Variants in FOXL1 observed in about 807,000 individuals in gnomAD.
FOXL1 encodes the protein forkhead box protein L1.
A neutral mutation model predicts 1.7 loss-of-function variants in FOXL1; 2 were observed. That is an observed-to-expected ratio of 1.21 (90% CI 0.49 to 3.80). The LOEUF (loss-of-function observed/expected upper bound fraction) is 3.80. Among genes scored for constraint, FOXL1 ranks in the 30% most tolerant of loss-of-function variants. FOXL1 has a pLI of 0.07. For synonymous variants in FOXL1, 280 were observed against 229.3 expected (o/e 1.22, Z -2.00); for missense variants, 565 against 495.8 (o/e 1.14, Z -1.32).
rs1163109608 is a variant in FOXL1, at chr16:86,580,385, A to G, written c.*624A>G. ...GACCAATGTTCAGCTATAGAAGCTG[A>G]TAACCACCCAGAGCAATAACACTTT... On this transcript the variant is annotated 3_prime_UTR_variant, in exon 1 of 1. Coordinates refer to ENST00000320241, the MANE Select transcript of FOXL1 (RefSeq NM_005250.3). 6.0e-6 allele frequency: 1 copy of G among 167,182 alleles called. No individual in the cohort carries two copies. The highest frequency in any genetic ancestry group is 1.5e-5 in the Non-Finnish European group (1 of 68,168). The allele number at this position is 167,182 out of a possible 1,614,324, so 10.4% of individuals were successfully genotyped here. A position where few individuals can be genotyped will look rare whatever the true frequency, so the allele number is the denominator to read the frequency against.
rs2144037731 is a variant in FOXL1, at chr16:86,582,874, G to A, written c.*3113G>A. Among the ~76,000 whole-genome samples, 1 of 151,942 alleles carries A rather than the reference G, an allele frequency of 6.6e-6. No individual in the cohort carries two copies. The highest frequency in any genetic ancestry group is 6.6e-5 in the Admixed American group (1 of 15,256). ...TTGTTTCTCTATGTAGTATGAACCA[G>A]GGATAACTTTATTGTTCTGTGTTAG... On this transcript the variant is annotated 3_prime_UTR_variant, in exon 1 of 1. Transcript: ENST00000320241.
chr16:86,579,332 G>T lies in FOXL1; in HGVS notation c.609G>T (p.Pro203=). Residue 203 remains proline, a synonymous_variant, in exon 1 of 1, where the codon CCG becomes CCT. Coordinates refer to ENST00000320241, the MANE Select transcript of FOXL1 (RefSeq NM_005250.3). ...CCCTCCTGGACGGCCCCTCTCCGCCGGCGCCCCTCCACTGGCCGGGGACCG... is the reference window on the plus strand; with the variant it reads ...CCCTCCTGGACGGCCCCTCTCCGCCTGCGCCCCTCCACTGGCCGGGGACCG... The part of the protein sequence containing the change: ...PSPLLDGPSP[P]APLHWPGTAS... The T allele has an allele frequency of 7.5e-7, 1 of 1,326,030 alleles. No individual in the cohort carries two copies. 82.1% of individuals were successfully genotyped at this position (1,326,030 alleles called of 1,614,324 possible).
chr16:86,579,068 G>A lies in FOXL1; in HGVS notation c.345G>A (p.Gly115=). 6.2e-7 allele frequency: 1 copy of A among 1,614,106 alleles called. No homozygotes were observed. Among genetic ancestry groups the A allele is most frequent in the South Asian group, 1.1e-5 (1 of 91,088 alleles). Residue 115 remains glycine (G), a synonymous_variant, in exon 1 of 1, where the codon GGG becomes GGA. Transcript: ENST00000320241. The part of the protein sequence containing the change: ...DCFVKVPREK[G]RPGKGSYWTL... ...TCGTCAAGGTGCCCCGCGAGAAAGG[G>A]CGGCCGGGCAAGGGCAGCTACTGGA...
Position 86,583,293 on chromosome 16 carries a change from T to G in FOXL1, c.*3532T>G, listed in dbSNP as rs1325096029. The stretch of plus-strand genomic sequence containing the variant: ...TAACATCACAAAGGTAGGTGACGTT[T>G]CCAGTAACCAGCTGCACCCAGGAGT... On this transcript the variant is annotated 3_prime_UTR_variant, in exon 1 of 1. Transcript: ENST00000320241. Among the ~76,000 whole-genome samples the G allele has an allele frequency of 1.3e-5, 2 of 151,960 alleles. No homozygotes were observed. The highest frequency in any genetic ancestry group is 2.9e-5 in the Non-Finnish European group (2 of 67,994).
In FOXL1 at chr16:86,582,799, CTA is replaced by C. The variant is rs954365146; in HGVS notation, c.*3043_*3044del. Among the ~76,000 whole-genome samples, 1 of 151,802 alleles carries C rather than the reference CTA, an allele frequency of 6.6e-6. No individual in the cohort carries two copies. Among genetic ancestry groups the C allele is most frequent in the Non-Finnish European group, 1.5e-5 (1 of 67,964 alleles). On this transcript the variant is annotated 3_prime_UTR_variant, in exon 1 of 1. Transcript: ENST00000320241. ...ATACTATTTGAAAGATTTTGTTTTTCTATATAGTTTTTAAAAATAGATAATAA... is the reference window on the plus strand; with the variant it reads ...ATACTATTTGAAAGATTTTGTTTTTCTATAGTTTTTAAAAATAGATAATAA...
chr16:86,579,155 G>A lies in FOXL1; in HGVS notation c.432G>A (p.Lys144=). The change falls in exon 1 of 1, where the codon AAG becomes AAA. Residue 144 remains lysine, a synonymous_variant. Coordinates refer to ENST00000320241, the MANE Select transcript of FOXL1 (RefSeq NM_005250.3). ...GCAACTACCGGCGCCGGAAGAGGAA[G>A]CCCAAGCCGGGCCCCGGGGCCCCGG... The part of the protein sequence containing the change: ...ENGNYRRRKR[K]PKPGPGAPEA... The A allele has an allele frequency of 1.2e-6, 2 of 1,611,612 alleles. No individual in the cohort carries two copies. The highest frequency in any genetic ancestry group is 2.2e-5 in the South Asian group (2 of 91,042).
Position 86,580,259 on chromosome 16 carries a change from G to C in FOXL1, c.*498G>C, listed in dbSNP as rs544568935. On this transcript the variant is annotated 3_prime_UTR_variant, in exon 1 of 1. Transcript: ENST00000320241. ...TTTGAGCCCATCTGGGTGGTGGGTG[G>C]TCACAGCTGGGTTTGTTCCTGACTT... 192 of 169,630 alleles carry C rather than the reference G, an allele frequency of 1.1e-3. No individual in the cohort carries two copies. The highest frequency in any genetic ancestry group is 4.3e-3 in the African/African-American group (180 of 41,650). 10.5% of individuals were successfully genotyped at this position (169,630 alleles called of 1,614,324 possible).
At position 86,583,009 on chromosome 16, in the gene FOXL1, C is replaced by G. The variant is rs12921243; in HGVS notation, c.*3248C>G. Among the ~76,000 whole-genome samples, 2 of 148,970 alleles carry G rather than the reference C, an allele frequency of 1.3e-5. No individual in the cohort carries two copies. Among genetic ancestry groups the G allele is most frequent in the East Asian group, 3.9e-4 (2 of 5,140 alleles). ...ACTTTACAAAGGACTCTTGCTCTGCCTGGCCTCATCTAGTTGCTGGCTTTT... is the reference window on the plus strand; with the variant it reads ...ACTTTACAAAGGACTCTTGCTCTGCGTGGCCTCATCTAGTTGCTGGCTTTT... On this transcript the variant is annotated 3_prime_UTR_variant, in exon 1 of 1. Transcript: ENST00000320241.
In FOXL1 at chr16:86,579,683, C is replaced by A; in HGVS notation, c.960C>A (p.Gly320=). 6.2e-7 allele frequency: 1 copy of A among 1,613,928 alleles called. No homozygotes were observed. Among genetic ancestry groups the A allele is most frequent in the South Asian group, 1.1e-5 (1 of 91,084 alleles). The part of the protein sequence containing the change: ...ASLMLDPHVQ[G]GFYQLGIPFL... ...TGATGCTCGACCCGCATGTCCAGGG[C>A]GGCTTTTACCAGCTCGGGATCCCCT... The change falls in exon 1 of 1, where the codon GGC becomes GGA. Residue 320 remains glycine (G), a synonymous_variant. Transcript: ENST00000320241.
In FOXL1 at chr16:86,579,585, G is replaced by A; in HGVS notation, c.862G>A (p.Gly288Arg). Reference sequence around the variant, plus strand: ...CGAACTCCTAGGGGGTGCCAAGCCTGGGCCCGGCGGCCGTCTGGGTGCCTC... The same window carrying A: ...CGAACTCCTAGGGGGTGCCAAGCCTAGGCCCGGCGGCCGTCTGGGTGCCTC... ...GDELLGGAKP[G>R]PGGRLGASLL... is the part of the protein sequence containing the mutation. The change falls in exon 1 of 1, where the codon GGG becomes AGG. Residue 288 changes from glycine to arginine, a missense_variant. Gly to Arg is a moderately radical substitution (Grantham distance 125). Coordinates refer to ENST00000320241, the MANE Select transcript of FOXL1 (RefSeq NM_005250.3). 1 of 1,613,146 alleles carries A rather than the reference G, an allele frequency of 6.2e-7. No homozygotes were observed. The highest frequency in any genetic ancestry group is 8.5e-7 in the Non-Finnish European group (1 of 1,179,864).
Position 86,579,715 on chromosome 16 carries a change from C to T in FOXL1, c.992C>T (p.Ser331Phe). The change falls in exon 1 of 1, where the codon TCT becomes TTT. Residue 331 changes from serine to phenylalanine, a missense_variant. Coordinates refer to ENST00000320241, the MANE Select transcript of FOXL1 (RefSeq NM_005250.3). ...GFYQLGIPFLSYFPLQVPDTV... is the reference protein window; with the variant it reads ...GFYQLGIPFLFYFPLQVPDTV... The stretch of plus-strand genomic sequence containing the variant: ...TACCAGCTCGGGATCCCCTTCCTCT[C>T]TTATTTCCCCCTGCAGGTTCCCGAC... 6.2e-7 allele frequency: 1 copy of T among 1,613,828 alleles called. No individual in the cohort carries two copies. Among genetic ancestry groups the T allele is most frequent in the African/African-American group, 1.3e-5 (1 of 75,072 alleles).
In FOXL1 at chr16:86,579,524, G is replaced by T; in HGVS notation, c.801G>T (p.Leu267=). The change falls in exon 1 of 1, where the codon CTG becomes CTT. Residue 267 remains leucine, a synonymous_variant. Transcript: ENST00000320241. The part of the protein sequence containing the change: ...KSKSFSIDSI[L]AGKQGQKPPS... ...AGAGCTTCAGCATAGACAGCATCCTGGCGGGAAAGCAGGGCCAGAAGCCGC... is the reference window on the plus strand; with the variant it reads ...AGAGCTTCAGCATAGACAGCATCCTTGCGGGAAAGCAGGGCCAGAAGCCGC... The T allele has an allele frequency of 6.2e-7, 1 of 1,605,846 alleles. No individual in the cohort carries two copies. The highest frequency in any genetic ancestry group is 1.1e-5 in the South Asian group (1 of 89,988).
rs1188755097 is a variant in FOXL1 at position 86,578,712 on chromosome 16, C to G, written c.-12C>G. On this transcript the variant is annotated 5_prime_UTR_variant, in exon 1 of 1. Transcript: ENST00000320241. ...TGCGTTGCGGGGAGCGCAGCGCAGG[C>G]TCTCGCTTGCCATGAGTCACCTCTT... 6.3e-7 allele frequency: 1 copy of G among 1,589,746 alleles called. No homozygotes were observed. The highest frequency in any genetic ancestry group is 1.3e-5 in the African/African-American group (1 of 74,438).
rs1211697713 is a variant in FOXL1, at chr16:86,578,927, G to T, written c.204G>T (p.Gln68His). Residue 68 changes from glutamine to histidine, a missense_variant, in exon 1 of 1, where the codon CAG becomes CAT. Gln to His is a conservative substitution (Grantham distance 24). Coordinates refer to ENST00000320241, the MANE Select transcript of FOXL1 (RefSeq NM_005250.3). The part of the protein sequence containing the change: ...IAMAIQDAPE[Q>H]RVTLNGIYQF... Reference sequence around the variant, plus strand: ...TGGCGATCCAGGACGCGCCCGAGCAGAGGGTCACGCTCAACGGCATCTACC... The same window carrying T: ...TGGCGATCCAGGACGCGCCCGAGCATAGGGTCACGCTCAACGGCATCTACC... 1.2e-6 allele frequency: 2 copies of T among 1,614,210 alleles called. No homozygotes were observed. The highest frequency in any genetic ancestry group is 1.7e-6 in the Non-Finnish European group (2 of 1,180,016).
chr16:86,581,765 A>G lies in FOXL1; in HGVS notation c.*2004A>G, dbSNP rs1186567104. 6.0e-6 allele frequency: 1 copy of G among 166,724 alleles called. No individual in the cohort carries two copies. The highest frequency in any genetic ancestry group is 2.4e-5 in the African/African-American group (1 of 41,454). The allele number at this position is 166,724 out of a possible 1,614,324, so 10.3% of individuals were successfully genotyped here. On this transcript the variant is annotated 3_prime_UTR_variant, in exon 1 of 1. Transcript: ENST00000320241. ...GTGTAATAAGAAAGAGGAGACTGGG[A>G]TTATATCTGGGAGTCGTGTTAGCAT...
Position 86,578,888 on chromosome 16 carries a change from C to T in FOXL1, c.165C>T (p.Ile55=), listed in dbSNP as rs1974373414. The change falls in exon 1 of 1, where the codon ATC becomes ATT. Residue 55 remains isoleucine, a synonymous_variant. Transcript: ENST00000320241. ...CGCAGAAGCCTCCCTACAGCTACAT[C>T]GCGCTCATCGCCATGGCGATCCAGG... ...ETPQKPPYSY[I]ALIAMAIQDA... The T allele has an allele frequency of 2.5e-6, 4 of 1,614,162 alleles. No individual in the cohort carries two copies. The highest frequency in any genetic ancestry group is 3.4e-6 in the Non-Finnish European group (4 of 1,180,010).
At position 86,579,059 on chromosome 16, in the gene FOXL1, C is replaced by T. The variant is rs1368465116; in HGVS notation, c.336C>T (p.Arg112=). The T allele has an allele frequency of 6.2e-7, 1 of 1,613,968 alleles. No homozygotes were observed. Among genetic ancestry groups the T allele is most frequent in the South Asian group, 1.1e-5 (1 of 91,086 alleles). The change falls in exon 1 of 1, where the codon CGC becomes CGT. Residue 112 remains arginine, a synonymous_variant. Coordinates refer to ENST00000320241, the MANE Select transcript of FOXL1 (RefSeq NM_005250.3). ...SLNDCFVKVP[R]EKGRPGKGSY... ...ACGACTGCTTCGTCAAGGTGCCCCG[C>T]GAGAAAGGGCGGCCGGGCAAGGGCA...
In FOXL1 at chr16:86,581,841, A is replaced by G. The variant is rs193125316; in HGVS notation, c.*2080A>G. 5.6e-3 allele frequency: 901 copies of G among 162,088 alleles called. 7 individuals carry two copies. The highest frequency in any genetic ancestry group is 9.5e-3 in the Non-Finnish European group (646 of 68,060). 10.0% of individuals were successfully genotyped at this position (162,088 alleles called of 1,614,324 possible). On this transcript the variant is annotated 3_prime_UTR_variant, in exon 1 of 1. Coordinates refer to ENST00000320241, the MANE Select transcript of FOXL1 (RefSeq NM_005250.3). ...GTAAACACACAGATGGAGGGGAAGG[A>G]GTGGAGAGGATGCCGGGCCCAGGAA...
In FOXL1 at chr16:86,579,517, G is replaced by C. The variant is rs1228348049; in HGVS notation, c.794G>C (p.Ser265Thr). 6.2e-7 allele frequency: 1 copy of C among 1,601,676 alleles called. No homozygotes were observed. Among genetic ancestry groups the C allele is most frequent in the Admixed American group, 1.7e-5 (1 of 58,004 alleles). ...SDKSKSFSID[S>T]ILAGKQGQKP... The stretch of plus-strand genomic sequence containing the variant: ...AAGTCCAAGAGCTTCAGCATAGACA[G>C]CATCCTGGCGGGAAAGCAGGGCCAG... Residue 265 changes from serine to threonine, a missense_variant, in exon 1 of 1, where the codon AGC becomes ACC. Transcript: ENST00000320241.
Sources: allele counts gnomAD v4.1 joint callset (sites outside exome capture counted in the v4.1 genomes callset), GRCh38; gene constraint gnomAD v4.1.1; transcripts MANE v1.5; gene names NCBI Gene and HGNC (gene_info 2026-07-23, HGNC 2026-07-21).